The following ABI3BP variants were observed in gnomAD, a reference collection of about 807,000 sequenced individuals.
ABI3BP encodes the protein ABI family member 3 binding protein, also known as target of Nesh-SH3.
ABI3BP carries 216 observed loss-of-function variants against 268.6 expected under a neutral mutation model. The ratio of observed to expected loss-of-function variants is 0.80; its 90% CI spans 0.72 to 0.90. The LOEUF is 0.90. Among genes scored for constraint, ABI3BP ranks in the 40% least tolerant of loss-of-function variants. ABI3BP has a pLI of 0.00. For synonymous variants in ABI3BP, 730 were observed against 730.0 expected (o/e 1.00, Z 0.00); for missense variants, 2,090 against 2,182.4 (o/e 0.96, Z 0.84).
rs561459564 is a variant in ABI3BP, at chr3:100,880,023, TAC to T, written c.697-3465_697-3464del. On this transcript the variant is annotated intron_variant, in intron 6 of 67. Transcript: ENST00000471714. ...TGAAGTACTGTGATAATTTCCAAGA[TAC>T]AGTGTTTAACCAATTACAATCCAAT... Among the ~76,000 whole-genome samples the T allele has an allele frequency of 2.5e-3, 385 of 152,354 alleles. 7 individuals carry two copies. The highest frequency in any genetic ancestry group is 4.2e-3 in the Non-Finnish European group (283 of 68,032).
At chr3:100,983,678 AC>A (rs1235898769) in intron 1 of ABI3BP, among the ~76,000 whole-genome samples, 1 of 152,138 alleles carries the variant, frequency 6.6e-6, no homozygotes, top group Non-Finnish European at 1.5e-5. Flanking sequence ...CTGATTTCAA[AC>A]CCCTTAAATG....
At chr3:100,975,633 G>A (rs573477763) in intron 1 of ABI3BP, among the ~76,000 whole-genome samples, 16 of 152,078 alleles carry the variant, frequency 1.1e-4, no homozygotes, top group Admixed American at 9.2e-4. Context: ...GTGTACTGAG[G>A]GTGAATAAAG....
chr3:100,825,833 C>G lies in ABI3BP; in HGVS notation c.2614G>C (p.Asp872His), dbSNP rs116139575. The change falls in exon 35 of 68, where the codon GAC becomes CAC. Residue 872 changes from aspartate to histidine, a missense_variant. Coordinates refer to ENST00000471714, the MANE Select transcript of ABI3BP (RefSeq NM_001375547.2). ...GTTCTAAAAGTAACAGGCTCGAGGT[C>G]TGTAACAGGAACTGAAGTAATAAGA... ...APGTTFVPVT[D>H]LEPVTFRTEI... is the part of the protein sequence containing the mutation. The G allele has an allele frequency of 1.4e-3, 2,164 of 1,534,934 alleles. 26 individuals are homozygous for G. The African/African-American group carries it at 0.026, about 18-fold the overall frequency.
chr3:100,932,013 G>A (rs563893487), intron 1 of ABI3BP, among the ~76,000 whole-genome samples: 1 of 151,884 alleles, frequency 6.6e-6, no homozygotes, highest in South Asian at 2.1e-4. Flanking sequence ...CAGACACATA[G>A]GCCAATGTAA....
At chr3:100,854,436 A>G (rs1372092981) in intron 14 of ABI3BP, among the ~76,000 whole-genome samples, 1 of 152,174 alleles carries the variant, frequency 6.6e-6, no homozygotes, top group Non-Finnish European at 1.5e-5. Context: ...CTAACAATCA[A>G]CAGCTCTTGA....
intron 38 of ABI3BP, among the ~76,000 whole-genome samples, chr3:100,821,494 A>T (rs189544439): frequency 1.3e-5 from 2 of 152,128 alleles, no homozygotes; most frequent in Admixed American, 6.5e-5. Flanking sequence ...TGTCTACCAG[A>T]TCAAATCTCA....
intron 1 of ABI3BP, among the ~76,000 whole-genome samples, chr3:100,937,758 T>G (rs918575358): frequency 6.6e-6 from 1 of 152,088 alleles, no homozygotes; most frequent in Admixed American, 6.6e-5. Context: ...CAACGTAGTC[T>G]ATGCTCTGCT....
chr3:100,815,631 T>C (rs1050871376), intron 44 of ABI3BP, among the ~76,000 whole-genome samples: 9 of 152,162 alleles, frequency 5.9e-5, no homozygotes, highest in African/African-American at 1.4e-4. Context: ...TTTAGATCTA[T>C]AAATACTAAA....
intron 59 of ABI3BP, among the ~76,000 whole-genome samples, chr3:100,777,538 G>A (rs940203577): frequency 6.6e-6 from 1 of 152,218 alleles, no homozygotes; most frequent in Non-Finnish European, 1.5e-5. Context: ...GGGAAGAAAA[G>A]TATGCAAACA....
intron 30 of ABI3BP, 28 bp downstream of exon 30, chr3:100,833,097 C>T (rs1461336938): frequency 6.5e-7 from 1 of 1,528,056 alleles, no homozygotes; most frequent in Admixed American, 2.0e-5. Flanking sequence ...AGAAAAAGGA[C>T]TTGCTGAAGG....
intron 32 of ABI3BP, among the ~76,000 whole-genome samples, chr3:100,830,147 A>ATG (rs1560541305): frequency 1.6e-5 from 1 of 62,418 alleles, no homozygotes; most frequent in Non-Finnish European, 4.0e-5. Flanking sequence ...ATATATATAT[A>ATG]TATATATATA....
intron 62 of ABI3BP, among the ~76,000 whole-genome samples, chr3:100,768,698 GATTATT>G (rs557743656): frequency 1.3e-5 from 2 of 151,938 alleles, no homozygotes; most frequent in Non-Finnish European, 2.9e-5. Flanking sequence ...TAACAATGAG[GATTATT>G]ATTATTATTA....
At chr3:100,811,329 T>A in intron 47 of ABI3BP, 52 bp from the exon 48 acceptor site, 1 of 1,347,006 alleles carries the variant, frequency 7.4e-7, no homozygotes, top group Non-Finnish European at 1.0e-6. Context: ...TATTAAGCTA[T>A]AGCATTTTTT....
intron 23 of ABI3BP, 150 bp from the exon 24 acceptor site, chr3:100,839,766 T>G: frequency 1.1e-6 from 1 of 893,840 alleles, no homozygotes; most frequent in East Asian, 2.6e-5. Flanking sequence ...TCCTTTCTCC[T>G]TGTTGCTTTC....
intron 1 of ABI3BP, among the ~76,000 whole-genome samples, chr3:100,990,866 C>T (rs1302236227): frequency 6.6e-6 from 1 of 152,012 alleles, no homozygotes; most frequent in East Asian, 1.9e-4. Flanking sequence ...ATCTGCCCTG[C>T]TTTGGGGTAT....
At chr3:100,816,126 C>T in intron 43 of ABI3BP, 155 bp from the exon 44 acceptor site, 1 of 589,010 alleles carries the variant, frequency 1.7e-6, no homozygotes, top group Non-Finnish European at 2.9e-6. Flanking sequence ...GAAGATTTGG[C>T]CACACTAGCT....
At position 100,750,554 on chromosome 3, in the gene ABI3BP, T is replaced by G. The variant is rs1269958290; in HGVS notation, c.5302A>C (p.Thr1768Pro). 1 of 1,613,340 alleles carries G rather than the reference T, an allele frequency of 6.2e-7. No homozygotes were observed. Residue 1768 changes from threonine (T) to proline (P), a missense_variant, in exon 68 of 68, where the codon ACC becomes CCC. Transcript: ENST00000471714. ...PVQFGEIGGH[T>P]QINYVQWYEC... ...TACCACTGAACATAATTGATTTGGG[T>G]GTGACCACCTATTTCTCCAAATTGG...
intron 64 of ABI3BP, 46 bp from the exon 65 acceptor site, chr3:100,753,894 C>T: frequency 6.3e-7 from 1 of 1,574,966 alleles, no homozygotes; most frequent in Non-Finnish European, 8.7e-7. Flanking sequence ...AGGTAAAACC[C>T]CAACATTCCA....
intron 1 of ABI3BP, among the ~76,000 whole-genome samples, chr3:100,929,705 C>T (rs1308656588): frequency 1.3e-5 from 2 of 151,946 alleles, no homozygotes; most frequent in East Asian, 1.9e-4. Context: ...GTTTTTGACC[C>T]TTACAATCCT....
Sources: allele counts gnomAD v4.1 joint callset (sites outside exome capture counted in the v4.1 genomes callset), GRCh38; gene constraint gnomAD v4.1.1; transcripts MANE v1.5; gene names NCBI Gene and HGNC (gene_info 2026-07-23, HGNC 2026-07-21).